Variants in EXOC4 observed in about 807,000 individuals in gnomAD.
EXOC4 encodes exocyst complex component 4, also known as SEC8-like 1.
A neutral mutation model predicts 107.2 loss-of-function variants in EXOC4; 71 were observed. The observed-to-expected ratio is 0.66, with a 90% CI of 0.55 to 0.81. The LOEUF (loss-of-function observed/expected upper bound fraction) is 0.81, where lower values mean the gene tolerates loss of function less well. EXOC4 is among the 30% of genes least tolerant of loss of function. The pLI is 0.00. For synonymous variants in EXOC4, 456 were observed against 441.2 expected (o/e 1.03, Z -0.42); for missense variants, 1,108 against 1,189.6 (o/e 0.93, Z 1.01).
At chr7:133,878,534 C>G (rs1186999581) in intron 11 of EXOC4, among the ~76,000 whole-genome samples, 5 of 152,188 alleles carry the variant, frequency 3.3e-5, no homozygotes, top group African/African-American at 4.8e-5. Flanking sequence ...ATCCATAGAC[C>G]TGTAAGAGCT....
chr7:133,876,542 A>G (rs879458528), intron 11 of EXOC4, among the ~76,000 whole-genome samples: 1 of 149,822 alleles, frequency 6.7e-6, no homozygotes, highest in Non-Finnish European at 1.5e-5. Flanking sequence ...TTTTTGATCT[A>G]TGTTCTACTT....
chr7:133,961,880 G>T (rs551010736), intron 14 of EXOC4, among the ~76,000 whole-genome samples: 1 of 152,334 alleles, frequency 6.6e-6, no homozygotes, highest in South Asian at 2.1e-4. Context: ...CAGGTAGGAA[G>T]CAGGCTGTGG....
chr7:133,562,377 G>C (rs1369442516), intron 9 of EXOC4, among the ~76,000 whole-genome samples: 2 of 152,120 alleles, frequency 1.3e-5, no homozygotes, highest in Non-Finnish European at 2.9e-5. Flanking sequence ...TCTGGTTCCT[G>C]GTTTCTGCAA....
At chr7:133,253,488 G>A in intron 1 of EXOC4, 1 of 1,121,006 alleles carries the variant, frequency 8.9e-7, no homozygotes, top group East Asian at 5.1e-5. Context: ...AAAACCAGGT[G>A]TAAAGGTGTG....
At chr7:133,726,103 A>C (rs915766883) in intron 10 of EXOC4, among the ~76,000 whole-genome samples, 1 of 152,234 alleles carries the variant, frequency 6.6e-6, no homozygotes, top group Non-Finnish European at 1.5e-5. Context: ...TCTGGACTGC[A>C]GCTATATACA....
At chr7:133,532,842 T>TA (rs1239972906) in intron 9 of EXOC4, among the ~76,000 whole-genome samples, 18 of 152,118 alleles carry the variant, frequency 1.2e-4, no homozygotes, top group Non-Finnish European at 2.6e-4. Flanking sequence ...TTTAAACAAT[T>TA]ACGTGTGAGA....
At chr7:133,777,459 A>G (rs980210860) in intron 10 of EXOC4, among the ~76,000 whole-genome samples, 1 of 152,224 alleles carries the variant, frequency 6.6e-6, no homozygotes, top group Non-Finnish European at 1.5e-5. Context: ...CAATGTATAG[A>G]AAAATACTTC....
At chr7:133,522,302 A>G (rs1297385996) in intron 9 of EXOC4, among the ~76,000 whole-genome samples, 1 of 152,126 alleles carries the variant, frequency 6.6e-6, no homozygotes, top group Non-Finnish European at 1.5e-5. Context: ...ATTTTTCTCC[A>G]TTATAGACTT....
intron 17 of EXOC4, among the ~76,000 whole-genome samples, chr7:134,051,764 T>C (rs1160615235): frequency 6.6e-6 from 1 of 150,920 alleles, no homozygotes; most frequent in Non-Finnish European, 1.5e-5. Flanking sequence ...GGCGGGTGGA[T>C]CACGAGGTCA....
intron 11 of EXOC4, among the ~76,000 whole-genome samples, chr7:133,855,977 C>A (rs1798364955): frequency 6.6e-6 from 1 of 152,206 alleles, no homozygotes; most frequent in African/African-American, 2.4e-5. Flanking sequence ...GATTTTCTTA[C>A]CTGTCATTTG....
intron 10 of EXOC4, among the ~76,000 whole-genome samples, chr7:133,671,755 T>G (rs1236386286): frequency 2.6e-5 from 4 of 152,108 alleles, no homozygotes. Flanking sequence ...GGGTTTAATG[T>G]GCAGGTAAGA....
chr7:133,606,187 C>A (rs1467578699), intron 9 of EXOC4, among the ~76,000 whole-genome samples: 1 of 152,108 alleles, frequency 6.6e-6, no homozygotes, highest in Admixed American at 6.5e-5. Flanking sequence ...TGCTCCTAAT[C>A]CCCTACAAGT....
intron 10 of EXOC4, among the ~76,000 whole-genome samples, chr7:133,741,291 C>T (rs1009125343): frequency 2.6e-5 from 4 of 152,210 alleles, no homozygotes; most frequent in Non-Finnish European, 5.9e-5. Context: ...CCCACCAGGC[C>T]TGAGCTGACC....
chr7:133,366,961 TGAGA>T (rs1299968344), intron 6 of EXOC4, among the ~76,000 whole-genome samples: 1 of 152,072 alleles, frequency 6.6e-6, no homozygotes, highest in Non-Finnish European at 1.5e-5. Flanking sequence ...GAGGCCTATT[TGAGA>T]GAGAGTAAAG....
chr7:133,663,805 T>C (rs759651992), intron 10 of EXOC4, among the ~76,000 whole-genome samples: 28 of 152,202 alleles, frequency 1.8e-4, no homozygotes, highest in Non-Finnish European at 3.2e-4. Flanking sequence ...TATCTCTTGC[T>C]CCTCTCCCTT....
chr7:133,614,512 C>G (rs1437232076), intron 9 of EXOC4, among the ~76,000 whole-genome samples: 1 of 151,980 alleles, frequency 6.6e-6, no homozygotes, highest in Non-Finnish European at 1.5e-5. Context: ...CAGAATGTCT[C>G]TAATCAGGGA....
intron 11 of EXOC4, among the ~76,000 whole-genome samples, chr7:133,826,882 G>A (rs11489674): frequency 0.097 from 14,795 of 151,954 alleles, 856 homozygotes; most frequent in Middle Eastern, 0.14. Context: ...CTCACCACCC[G>A]GATTCTAACA....
chr7:133,634,261 T>A (rs1465389697), intron 10 of EXOC4, among the ~76,000 whole-genome samples: 1 of 152,174 alleles, frequency 6.6e-6, no homozygotes, highest in African/African-American at 2.4e-5. Flanking sequence ...TATACTGACT[T>A]CTAATTTGTT....
At chr7:133,393,011 C>A (rs1796887146) in intron 7 of EXOC4, among the ~76,000 whole-genome samples, 1 of 152,112 alleles carries the variant, frequency 6.6e-6, no homozygotes, top group Non-Finnish European at 1.5e-5. Flanking sequence ...ATCAGCCTTT[C>A]TTTCTGTCCT....
Sources: gnomAD v4.1 joint callset for allele counts (sites outside exome capture counted in the v4.1 genomes callset) on GRCh38, gnomAD v4.1.1 for gene constraint, MANE v1.5 for transcripts, NCBI Gene and HGNC (gene_info 2026-07-23, HGNC 2026-07-21) for gene names.